The following SLC30A5 variants were observed in gnomAD, a reference collection of about 807,000 sequenced individuals.
SLC30A5 encodes solute carrier family 30 member 5.
A neutral mutation model predicts 79.6 loss-of-function variants in SLC30A5; 33 were observed. The observed-to-expected ratio is 0.41, with a 90% CI of 0.31 to 0.55. The LOEUF is 0.55. SLC30A5 is among the 20% of genes least tolerant of loss of function. SLC30A5 has a pLI of 0.20. For missense variants in SLC30A5, 788 were observed against 928.1 expected (o/e 0.85, Z 1.96); for synonymous variants, 299 against 319.7 (o/e 0.94, Z 0.69).
intron 15 of SLC30A5, among the ~76,000 whole-genome samples, 181 bp downstream of exon 15, chr5:69,128,313 G>A (rs896483680): frequency 2.0e-5 from 3 of 148,250 alleles, no homozygotes; most frequent in South Asian, 2.1e-4. Context: ...GTGCAGTGGC[G>A]TGATCTCGGC....
intron 14 of SLC30A5, among the ~76,000 whole-genome samples, chr5:69,127,214 G>C (rs1042684770): frequency 3.9e-5 from 6 of 152,138 alleles, no homozygotes; most frequent in Admixed American, 2.0e-4. Flanking sequence ...GAATGTGTCC[G>C]TGTAAAGGAG....
At chr5:69,097,179 G>T (rs1351131615) in intron 1 of SLC30A5, among the ~76,000 whole-genome samples, 1 of 138,876 alleles carries the variant, frequency 7.2e-6, no homozygotes, top group African/African-American at 2.8e-5. Context: ...GCAGTGGCGC[G>T]ATCTCGGCTC....
intron 1 of SLC30A5, among the ~76,000 whole-genome samples, chr5:69,097,109 CTTTTTTTTTTTTT>C (rs1228027917): frequency 4.6e-5 from 4 of 87,902 alleles, no homozygotes; most frequent in Admixed American, 1.5e-4. Context: ...CTCTCTTTTT[CTTTTTTTTTTTTT>C]TTTTTTTTTT....
intron 1 of SLC30A5, among the ~76,000 whole-genome samples, chr5:69,098,652 A>C (rs939964744): frequency 6.6e-6 from 1 of 152,226 alleles, no homozygotes; most frequent in Admixed American, 6.5e-5. Flanking sequence ...GGCACTATAC[A>C]TGGGGTTTTA....
chr5:69,118,131 C>A (rs569114444), intron 11 of SLC30A5, among the ~76,000 whole-genome samples: 7 of 144,372 alleles, frequency 4.8e-5, no homozygotes, highest in African/African-American at 1.8e-4. Context: ...GAGCCAAGAT[C>A]GTGCCACTGC....
intron 4 of SLC30A5, among the ~76,000 whole-genome samples, chr5:69,105,756 G>A (rs1048253587): frequency 1.3e-5 from 2 of 152,214 alleles, no homozygotes; most frequent in Non-Finnish European, 2.9e-5. Flanking sequence ...CACAGAGCAG[G>A]AGGTGAGCCA....
At position 69,127,732 on chromosome 5, in the gene SLC30A5, A is replaced by AT. The variant is rs529630780; in HGVS notation, c.1999-264dup. ...CATACTAGCATCATTCCTAGGTGAG[A>AT]TTTTTTTTCCCCCACACATCTGTAG... On this transcript the variant is annotated intron_variant, in intron 14 of 15. Transcript: ENST00000396591. Among the ~76,000 whole-genome samples, 32 of 152,060 alleles carry AT rather than the reference A, an allele frequency of 2.1e-4. No homozygotes were observed. In the South Asian group the frequency reaches 5.4e-3, roughly 26 times the overall value.
At chr5:69,112,310 T>C (rs1746256013) in intron 5 of SLC30A5, among the ~76,000 whole-genome samples, 1 of 151,864 alleles carries the variant, frequency 6.6e-6, no homozygotes, top group South Asian at 2.1e-4. Flanking sequence ...AAAAGGAATG[T>C]ATAGTAATGC....
At chr5:69,115,135 G>GGAAA in intron 7 of SLC30A5, 102 bp from the exon 8 acceptor site, 3 of 535,242 alleles carry the variant, frequency 5.6e-6, no homozygotes, top group Admixed American at 3.5e-5. Context: ...TGTCTCTGGG[G>GGAAA]AAAAAAAAAA....
chr5:69,098,793 A>T (rs1745820837), intron 1 of SLC30A5, among the ~76,000 whole-genome samples: 1 of 152,240 alleles, frequency 6.6e-6, no homozygotes, highest in Admixed American at 6.5e-5. Context: ...AAATGAAATG[A>T]TATATTCAAA....
intron 2 of SLC30A5, 63 bp downstream of exon 2, chr5:69,100,992 G>A (rs1249670727): frequency 6.8e-7 from 1 of 1,467,650 alleles, no homozygotes; most frequent in African/African-American, 1.4e-5. Context: ...TGTTTTAACA[G>A]AGTATCTTTA....
At chr5:69,111,553 C>T (rs1049025207) in intron 5 of SLC30A5, among the ~76,000 whole-genome samples, 1 of 152,108 alleles carries the variant, frequency 6.6e-6, no homozygotes, top group Non-Finnish European at 1.5e-5. Context: ...ATCCACCCGC[C>T]TCGGCCTCCC....
At chr5:69,117,868 C>T (rs1746414303) in intron 11 of SLC30A5, among the ~76,000 whole-genome samples, 1 of 134,490 alleles carries the variant, frequency 7.4e-6, no homozygotes, top group South Asian at 2.4e-4. Flanking sequence ...CAGAGTGAGA[C>T]TATGTCTCAA....
Position 69,112,126 on chromosome 5 carries a change from G to A in SLC30A5, c.448-1014G>A, listed in dbSNP as rs1220194548. Among the ~76,000 whole-genome samples, 10 of 152,034 alleles carry A rather than the reference G, an allele frequency of 6.6e-5. No homozygotes were observed. The East Asian group carries it at 1.2e-3, about 18-fold the overall frequency. On this transcript the variant is annotated intron_variant, in intron 5 of 15. Coordinates refer to ENST00000396591, the MANE Select transcript of SLC30A5 (RefSeq NM_022902.5). ...CACCCTGACCAACATGGTGAAACCC[G>A]TCTGTACTAAAAATGCAAAAATTAG...
intron 1 of SLC30A5, among the ~76,000 whole-genome samples, chr5:69,100,204 G>A (rs1447459550): frequency 6.6e-6 from 1 of 152,100 alleles, no homozygotes; most frequent in East Asian, 1.9e-4. Context: ...CAGACTTCAG[G>A]TGATCCACCC....
intron 14 of SLC30A5, among the ~76,000 whole-genome samples, chr5:69,126,559 G>A (rs1399301730): frequency 9.9e-5 from 15 of 152,202 alleles, no homozygotes; most frequent in African/African-American, 3.6e-4. Context: ...TCAGGAGTTT[G>A]AGACCAGCCT....
intron 3 of SLC30A5, chr5:69,104,115 GA>G: frequency 6.9e-7 from 1 of 1,442,310 alleles, no homozygotes; most frequent in Non-Finnish European, 9.2e-7. Context: ...ATAGATAATG[GA>G]AAACAGAATA....
At chr5:69,109,194 A>G (rs1561291340) in intron 5 of SLC30A5, among the ~76,000 whole-genome samples, 1 of 152,214 alleles carries the variant, frequency 6.6e-6, no homozygotes, top group Non-Finnish European at 1.5e-5. Context: ...CTAAAAGAGT[A>G]TAATTGAATT....
chr5:69,115,195 C>A, intron 7 of SLC30A5, 42 bp from the exon 8 acceptor site: 14 of 909,666 alleles, frequency 1.5e-5, no homozygotes, highest in East Asian at 6.1e-5. Flanking sequence ...GACTGTTGAA[C>A]TGTGTGTGTT....
Sources: gnomAD v4.1 joint callset for allele counts (sites outside exome capture counted in the v4.1 genomes callset) on GRCh38, gnomAD v4.1.1 for gene constraint, MANE v1.5 for transcripts, NCBI Gene and HGNC (gene_info 2026-07-23, HGNC 2026-07-21) for gene names.